The following ZUP1 variants were observed in gnomAD, a reference collection of about 807,000 sequenced individuals.
ZUP1 encodes the protein zinc finger containing ubiquitin peptidase 1.
In ZUP1, 55 loss-of-function variants were observed where a neutral mutation model predicts 68.1. The ratio of observed to expected loss-of-function variants is 0.81; its 90% CI spans 0.65 to 1.01. The LOEUF is 1.01. ZUP1 is among the 50% of genes least tolerant of loss of function. The probability of loss-of-function intolerance (pLI) is 0.00; values close to 1 mark genes in which losing one functional copy is unlikely to be tolerated. For missense variants in ZUP1, 684 were observed against 674.9 expected, an observed-to-expected ratio of 1.01 and a Z score of -0.15; for synonymous variants, 223 against 221.5, an observed-to-expected ratio of 1.01 and a Z score of -0.06.
At chr6:116,644,663 G>A (rs1483094681) in intron 9 of ZUP1, among the ~76,000 whole-genome samples, 2 of 151,680 alleles carry the variant, frequency 1.3e-5, no homozygotes, top group Non-Finnish European at 2.9e-5. Context: ...CACAGGAAGG[G>A]GAACATCACA....
At chr6:116,641,188 G>C (rs1776085938) in intron 9 of ZUP1, among the ~76,000 whole-genome samples, 1 of 149,046 alleles carries the variant, frequency 6.7e-6, no homozygotes, top group Non-Finnish European at 1.5e-5. Context: ...GATTCATAAA[G>C]CAAGTCCTGA....
At chr6:116,652,303 C>G in intron 5 of ZUP1, 111 bp from the exon 6 acceptor site, 1 of 801,196 alleles carries the variant, frequency 1.2e-6, no homozygotes, top group Non-Finnish European at 1.9e-6. Context: ...CCTGTTAATT[C>G]CATCTTCTTC....
chr6:116,656,929 A>T, intron 4 of ZUP1, 77 bp from the exon 5 acceptor site: 1 of 1,008,814 alleles, frequency 9.9e-7, no homozygotes, highest in Non-Finnish European at 1.4e-6. Context: ...TTAAAATTTT[A>T]TTTGGAAACA....
chr6:116,656,562 A>C, intron 5 of ZUP1, 122 bp downstream of exon 5: 1 of 747,402 alleles, frequency 1.3e-6, no homozygotes, highest in Non-Finnish European at 2.1e-6. Context: ...TTAAAACAAT[A>C]CATTTTTAAA....
At chr6:116,664,839 G>A (rs962033711) in intron 2 of ZUP1, among the ~76,000 whole-genome samples, 1 of 151,048 alleles carries the variant, frequency 6.6e-6, no homozygotes, top group Admixed American at 6.6e-5. Context: ...CTAAAAATTA[G>A]ATCCCAAGTT....
intron 5 of ZUP1, among the ~76,000 whole-genome samples, chr6:116,655,981 G>GTT (rs906781657): frequency 6.6e-6 from 1 of 152,110 alleles, no homozygotes; most frequent in Non-Finnish European, 1.5e-5. Context: ...CTCAGTAATA[G>GTT]TTTTAATGTT....
intron 8 of ZUP1, among the ~76,000 whole-genome samples, chr6:116,647,222 G>A (rs542680967): frequency 6.8e-4 from 103 of 152,274 alleles, no homozygotes; most frequent in African/African-American, 2.3e-3. Flanking sequence ...AGCCAGGTAT[G>A]GTGGCAGGCG....
At position 116,665,762 on chromosome 6, in the gene ZUP1, T is replaced by C. The variant is rs1027251425; in HGVS notation, c.559+872A>G. 4.7e-5 allele frequency among the ~76,000 whole-genome samples: 7 copies of C among 149,996 alleles called. No individual in the cohort carries two copies. The South Asian group carries it at 1.0e-3, about 22-fold the overall frequency. On this transcript the variant is annotated intron_variant, in intron 2 of 9. Transcript: ENST00000368576. Reference sequence around the variant, plus strand: ...GCCTGGCTAGTTTTTTGGTTTTTTTTTTTTTTTTTGAAGAGACGAGCTTTT... The same window carrying C: ...GCCTGGCTAGTTTTTTGGTTTTTTTCTTTTTTTTTGAAGAGACGAGCTTTT...
At chr6:116,648,893 C>G (rs1054526259) in intron 7 of ZUP1, among the ~76,000 whole-genome samples, 1 of 151,302 alleles carries the variant, frequency 6.6e-6, no homozygotes, top group Non-Finnish European at 1.5e-5. Flanking sequence ...TCACTTAAGC[C>G]TGGGAGGCAG....
chr6:116,645,616 A>G, intron 9 of ZUP1, 98 bp downstream of exon 9: 4 of 1,008,408 alleles, frequency 4.0e-6, no homozygotes, highest in Non-Finnish European at 2.8e-6. Flanking sequence ...AAGAATAGAA[A>G]AAAAAGAAAA....
chr6:116,651,263 A>T (rs1178335482), intron 7 of ZUP1, among the ~76,000 whole-genome samples: 1 of 152,244 alleles, frequency 6.6e-6, no homozygotes, highest in South Asian at 2.1e-4. Context: ...CCAAGATTTA[A>T]TCATATCAGA....
chr6:116,659,016 C>G (rs1304065867), intron 3 of ZUP1, 92 bp from the exon 4 acceptor site: 3 of 1,136,748 alleles, frequency 2.6e-6, no homozygotes, highest in East Asian at 5.9e-5. Context: ...AGAGTAAATG[C>G]TGTTATTTGC....
chr6:116,648,450 T>G (rs529846220), intron 7 of ZUP1, among the ~76,000 whole-genome samples: 1 of 152,308 alleles, frequency 6.6e-6, no homozygotes, highest in African/African-American at 2.4e-5. Flanking sequence ...TTACTGGGTT[T>G]TAAGTGCTCA....
At chr6:116,643,164 A>T (rs1405719630) in intron 9 of ZUP1, among the ~76,000 whole-genome samples, 1 of 152,156 alleles carries the variant, frequency 6.6e-6, no homozygotes, top group Non-Finnish European at 1.5e-5. Flanking sequence ...AGAACTACAA[A>T]CCACCGCTCA....
At position 116,651,737 on chromosome 6, in the gene ZUP1, C is replaced by T. The variant is rs1330277443; in HGVS notation, c.1151G>A (p.Gly384Asp). 1.2e-6 allele frequency: 2 copies of T among 1,612,846 alleles called. No homozygotes were observed. The highest frequency in any genetic ancestry group is 2.7e-5 in the African/African-American group (2 of 74,852). Residue 384 changes from glycine to aspartate, a missense_variant and splice_region_variant, in exon 7 of 10, where the codon GGT (glycine) becomes GAT (aspartate). Physicochemically the swap from Gly to Asp is moderately conservative, Grantham distance 94. Transcript: ENST00000368576. Reference protein sequence around the residue: ...QNDAYNDCLKGMLIPCIPKIQ... With the variant: ...QNDAYNDCLKDMLIPCIPKIQ... ...TTTTGGAATGCAAGGAATCAACATACCTAAAATTACACAAGCAAACATGTT... is the reference window on the plus strand; with the variant it reads ...TTTTGGAATGCAAGGAATCAACATATCTAAAATTACACAAGCAAACATGTT...
At chr6:116,643,411 G>A (rs1470766583) in intron 9 of ZUP1, among the ~76,000 whole-genome samples, 4 of 152,126 alleles carry the variant, frequency 2.6e-5, no homozygotes, top group Non-Finnish European at 4.4e-5. Flanking sequence ...CAAATCTGGA[G>A]GCATCACGCT....
intron 9 of ZUP1, among the ~76,000 whole-genome samples, chr6:116,640,989 G>C (rs938811165): frequency 1.7e-4 from 26 of 149,658 alleles, no homozygotes; most frequent in South Asian, 1.1e-3. Context: ...AAAGGATGGA[G>C]GAAGATCTAC....
chr6:116,659,072 C>T, intron 3 of ZUP1, 148 bp from the exon 4 acceptor site: 1 of 661,970 alleles, frequency 1.5e-6, no homozygotes, highest in South Asian at 2.3e-5. Flanking sequence ...ACAAATTTAG[C>T]AAAACTTAGA....
intron 9 of ZUP1, among the ~76,000 whole-genome samples, chr6:116,640,647 T>C (rs1776067625): frequency 2.0e-5 from 3 of 152,178 alleles, no homozygotes; most frequent in East Asian, 1.9e-4. Context: ...CTGAGAGATT[T>C]TGTCACCACC....
Sources: allele counts gnomAD v4.1 joint callset (sites outside exome capture counted in the v4.1 genomes callset), GRCh38; gene constraint gnomAD v4.1.1; transcripts MANE v1.5; gene names NCBI Gene and HGNC (gene_info 2026-07-23, HGNC 2026-07-21).